The following LDAH variants were observed in gnomAD, a reference collection of about 807,000 sequenced individuals.
LDAH encodes the protein lipid droplet-associated hydrolase.
A neutral mutation model predicts 29.6 loss-of-function variants in LDAH; 26 were observed. The observed-to-expected ratio is 0.88, with a 90% CI of 0.64 to 1.22. LDAH has a LOEUF of 1.22. LDAH is among the 50% of genes most tolerant of loss of function. The probability of loss-of-function intolerance (pLI) is 0.00; values close to 1 mark genes in which losing one functional copy is unlikely to be tolerated. For missense variants in LDAH, 344 were observed against 387.3 expected, an observed-to-expected ratio of 0.89 and a Z score of 0.94; for synonymous variants, 117 against 133.0, an observed-to-expected ratio of 0.88 and a Z score of 0.83.
chr2:20,807,305 A>C (rs543131129), intron 1 of LDAH, among the ~76,000 whole-genome samples: 15 of 152,250 alleles, frequency 9.9e-5, no homozygotes, highest in African/African-American at 3.6e-4. Flanking sequence ...GGAAGGAATA[A>C]TACCAATTTT....
chr2:20,755,677 G>A (rs558130490), intron 4 of LDAH, among the ~76,000 whole-genome samples: 6 of 152,264 alleles, frequency 3.9e-5, no homozygotes, highest in African/African-American at 1.2e-4. Flanking sequence ...GGTTTATTCT[G>A]TGTAGAAATA....
intron 4 of LDAH, among the ~76,000 whole-genome samples, chr2:20,754,038 A>G (rs926352435): frequency 1.3e-5 from 2 of 152,212 alleles, no homozygotes; most frequent in Admixed American, 1.3e-4. Flanking sequence ...GGTTTATGTG[A>G]AGAAAGTACT....
chr2:20,783,773 A>T (rs1268667382), intron 3 of LDAH, among the ~76,000 whole-genome samples: 2 of 152,198 alleles, frequency 1.3e-5, no homozygotes, highest in African/African-American at 4.8e-5. Context: ...GTGCAGTGGC[A>T]TGATCTCGGC....
In LDAH at chr2:20,774,837, C is replaced by T. The variant is rs1164476806; in HGVS notation, c.441G>A (p.Gln147=). Residue 147 remains glutamine (Q), a synonymous_variant, in exon 4 of 7, where the codon CAG becomes CAA. Coordinates refer to ENST00000237822, the MANE Select transcript of LDAH (RefSeq NM_021925.4). ...GHSIGSYFTL[Q]MLKRVPELPV... is the part of the protein sequence containing the mutation. ...GGAGCTCAGGGACTCGCTTCAGCAT[C>T]TGAAGTGTGAAATAGCTGCCTATTG... 1 of 1,613,260 alleles carries T rather than the reference C, an allele frequency of 6.2e-7. No homozygotes were observed. Among genetic ancestry groups the T allele is most frequent in the South Asian group, 1.1e-5 (1 of 91,048 alleles).
At chr2:20,802,219 C>T (rs1671759297) in intron 1 of LDAH, among the ~76,000 whole-genome samples, 1 of 151,970 alleles carries the variant, frequency 6.6e-6, no homozygotes. Context: ...ACCACCACGC[C>T]TGGCTAATTT....
intron 3 of LDAH, among the ~76,000 whole-genome samples, chr2:20,781,150 T>C (rs682075): frequency 0.03 from 4,530 of 152,312 alleles, 229 homozygotes; most frequent in African/African-American, 0.1. Flanking sequence ...TAGTTGATAA[T>C]GAATTTCCCA....
At chr2:20,702,311 G>C (rs1248291234) in intron 5 of LDAH, among the ~76,000 whole-genome samples, 1 of 152,086 alleles carries the variant, frequency 6.6e-6, no homozygotes, top group Admixed American at 6.6e-5. Flanking sequence ...ATTTTGGCTG[G>C]TATTATTATT....
chr2:20,818,696 C>A (rs1347181621), intron 1 of LDAH, among the ~76,000 whole-genome samples: 1 of 151,966 alleles, frequency 6.6e-6, no homozygotes, highest in Non-Finnish European at 1.5e-5. Flanking sequence ...TGTTCAAGGA[C>A]ATAAGCATTT....
At chr2:20,770,029 G>C (rs1044462016) in intron 4 of LDAH, among the ~76,000 whole-genome samples, 3 of 152,086 alleles carry the variant, frequency 2.0e-5, no homozygotes, top group African/African-American at 7.2e-5. Context: ...TCAGGACACA[G>C]GCACATTCCT....
chr2:20,774,164 T>G (rs1459746100), intron 4 of LDAH, among the ~76,000 whole-genome samples: 1 of 152,208 alleles, frequency 6.6e-6, no homozygotes, highest in African/African-American at 2.4e-5. Flanking sequence ...AAAGTACAAT[T>G]TTTTTGTTTT....
At chr2:20,709,672 A>G (rs1286187025) in intron 5 of LDAH, among the ~76,000 whole-genome samples, 6 of 152,208 alleles carry the variant, frequency 3.9e-5, no homozygotes, top group Non-Finnish European at 7.4e-5. Flanking sequence ...AATTAGAAAC[A>G]TAAGTCCACA....
chr2:20,751,770 A>G (rs12614886), intron 4 of LDAH, among the ~76,000 whole-genome samples: 2 of 152,262 alleles, frequency 1.3e-5, no homozygotes, highest in Admixed American at 6.5e-5. Flanking sequence ...AGAGGAAAAG[A>G]CAATGAAGAA....
At chr2:20,803,053 C>T (rs1047060319) in intron 1 of LDAH, among the ~76,000 whole-genome samples, 2 of 152,166 alleles carry the variant, frequency 1.3e-5, no homozygotes, top group African/African-American at 4.8e-5. Context: ...CCTCAGAGGA[C>T]ATATGGCAAT....
At chr2:20,701,995 G>A (rs1479647984) in intron 5 of LDAH, among the ~76,000 whole-genome samples, 11 of 151,312 alleles carry the variant, frequency 7.3e-5, no homozygotes, top group Admixed American at 7.2e-4. Context: ...AGTACAAATT[G>A]TTACCAATAA....
intron 5 of LDAH, among the ~76,000 whole-genome samples, chr2:20,709,453 A>C (rs1664541561): frequency 1.3e-5 from 2 of 151,992 alleles, no homozygotes; most frequent in Non-Finnish European, 2.9e-5. Context: ...AATCAAAACC[A>C]CAATGAGATA....
At chr2:20,765,695 T>C (rs1471163644) in intron 4 of LDAH, among the ~76,000 whole-genome samples, 1 of 152,046 alleles carries the variant, frequency 6.6e-6, no homozygotes, top group Non-Finnish European at 1.5e-5. Flanking sequence ...CCGAGAAGGT[T>C]TCACTCAGGC....
At position 20,717,732 on chromosome 2, in the gene LDAH, T is replaced by C. The variant is rs141921983; in HGVS notation, c.704-16080A>G. On this transcript the variant is annotated intron_variant, in intron 5 of 6. Coordinates refer to ENST00000237822, the MANE Select transcript of LDAH (RefSeq NM_021925.4). The stretch of plus-strand genomic sequence containing the variant: ...GGAGTTAATGTGTACATGTTTTGTA[T>C]TTGTTTCTTTTCTCTTGTTTTTGTG... Among the ~76,000 whole-genome samples, 585 of 152,332 alleles carry C rather than the reference T, an allele frequency of 3.8e-3. 2 individuals are homozygous for C. The highest frequency in any genetic ancestry group is 0.014 in the African/African-American group (567 of 41,582).
At chr2:20,768,023 G>A (rs1359065130) in intron 4 of LDAH, among the ~76,000 whole-genome samples, 6 of 152,100 alleles carry the variant, frequency 3.9e-5, no homozygotes, top group Non-Finnish European at 2.9e-5. Context: ...GGGACACCCT[G>A]GCTACACAGA....
chr2:20,771,054 C>T (rs1669379447), intron 4 of LDAH, among the ~76,000 whole-genome samples: 1 of 152,178 alleles, frequency 6.6e-6, no homozygotes, highest in Admixed American at 6.5e-5. Flanking sequence ...ATTCCCTATA[C>T]TGAGCACTAA....
Sources: allele counts gnomAD v4.1 joint callset (sites outside exome capture counted in the v4.1 genomes callset), GRCh38; gene constraint gnomAD v4.1.1; transcripts MANE v1.5; gene names NCBI Gene and HGNC (gene_info 2026-07-23, HGNC 2026-07-21).